The following SYNJ2BP variants were observed in gnomAD, a reference collection of about 807,000 sequenced individuals.
SYNJ2BP encodes the protein synaptojanin-2-binding protein.
SYNJ2BP carries 10 observed loss-of-function variants against 16.9 expected under a neutral mutation model. The observed-to-expected ratio is 0.59, with a 90% CI of 0.36 to 1.00. SYNJ2BP has a LOEUF of 1.00. Ranked by LOEUF, SYNJ2BP falls within the 50% of genes least tolerant of loss-of-function variation. SYNJ2BP has a pLI of 0.01. For synonymous variants in SYNJ2BP, 54 were observed against 68.4 expected, an observed-to-expected ratio of 0.79 and a Z score of 1.04; for missense variants, 162 against 186.7, an observed-to-expected ratio of 0.87 and a Z score of 0.77.
At chr14:70,386,631 G>A (rs1887865094) in intron 2 of SYNJ2BP, among the ~76,000 whole-genome samples, 2 of 152,168 alleles carry the variant, frequency 1.3e-5, no homozygotes, top group South Asian at 2.1e-4. Flanking sequence ...TGAAGAAAAG[G>A]TGGATGTTCT....
At chr14:70,375,420 G>A (rs576613792) in intron 3 of SYNJ2BP, among the ~76,000 whole-genome samples, 2 of 151,748 alleles carry the variant, frequency 1.3e-5, no homozygotes, top group African/African-American at 2.4e-5. Flanking sequence ...GGCTGGTCTC[G>A]AACTCCTGGC....
chr14:70,396,528 C>T (rs1318302273), intron 1 of SYNJ2BP, among the ~76,000 whole-genome samples: 2 of 151,854 alleles, frequency 1.3e-5, no homozygotes, highest in African/African-American at 4.8e-5. Flanking sequence ...GTGGCTGCAC[C>T]ATTTTACATC....
At chr14:70,376,037 C>T (rs567102151) in intron 2 of SYNJ2BP, among the ~76,000 whole-genome samples, 25 of 152,272 alleles carry the variant, frequency 1.6e-4, no homozygotes, top group Admixed American at 8.5e-4. Context: ...GCTTCTATGC[C>T]TGTCTCGTTT....
At chr14:70,385,995 C>T (rs999371489) in intron 2 of SYNJ2BP, among the ~76,000 whole-genome samples, 2 of 152,152 alleles carry the variant, frequency 1.3e-5, no homozygotes, top group Non-Finnish European at 2.9e-5. Context: ...TCAAATACTT[C>T]TCACCATTCT....
chr14:70,412,286 G>C (rs1303750649), intron 1 of SYNJ2BP, among the ~76,000 whole-genome samples: 1 of 152,016 alleles, frequency 6.6e-6, no homozygotes, highest in Non-Finnish European at 1.5e-5. Flanking sequence ...CTACTGCAGT[G>C]GAAAGTAGTA....
chr14:70,367,965 A>G lies in SYNJ2BP; in HGVS notation c.*5026T>C, dbSNP rs1265045857. On this transcript the variant is annotated 3_prime_UTR_variant, in exon 4 of 4. Transcript: ENST00000256366. ...GTTATTTGCTGAATGAAGGAAAAAAACCTTCATCTGACCAACGATAAATTT... is the reference window on the plus strand; with the variant it reads ...GTTATTTGCTGAATGAAGGAAAAAAGCCTTCATCTGACCAACGATAAATTT... The G allele has an allele frequency of 6.6e-6, 1 of 152,200 alleles. No homozygotes were observed. Among genetic ancestry groups the G allele is most frequent in the Non-Finnish European group, 1.5e-5 (1 of 68,030 alleles). The allele number at this position is 152,200 out of a possible 1,614,324, so 9.4% of individuals were successfully genotyped here.
intron 1 of SYNJ2BP, among the ~76,000 whole-genome samples, chr14:70,391,302 G>A (rs1212310887): frequency 6.6e-6 from 1 of 152,104 alleles, no homozygotes; most frequent in Non-Finnish European, 1.5e-5. Context: ...AAATAAGAAG[G>A]TGCTACTTCT....
At chr14:70,386,750 CA>C (rs774590256) in intron 2 of SYNJ2BP, among the ~76,000 whole-genome samples, 4 of 152,184 alleles carry the variant, frequency 2.6e-5, no homozygotes, top group African/African-American at 4.8e-5. Flanking sequence ...AGATTTCACA[CA>C]TATGACCTTT....
chr14:70,406,059 C>T (rs1888338300), intron 1 of SYNJ2BP, among the ~76,000 whole-genome samples: 1 of 152,084 alleles, frequency 6.6e-6, no homozygotes, highest in Non-Finnish European at 1.5e-5. Context: ...TAACTTTAAC[C>T]CTTTTCCAAA....
At position 70,366,614 on chromosome 14, in the gene SYNJ2BP, T is replaced by A. The variant is rs117184865; in HGVS notation, c.*6377A>T. The A allele has an allele frequency of 6.6e-6, 1 of 152,214 alleles. No individual in the cohort carries two copies. The allele number at this position is 152,214 out of a possible 1,614,324, so 9.4% of individuals were successfully genotyped here. On this transcript the variant is annotated 3_prime_UTR_variant, in exon 4 of 4. Coordinates refer to ENST00000256366, the MANE Select transcript of SYNJ2BP (RefSeq NM_018373.3). ...AACAACAAAGCCTGAAAGATTACCA[T>A]AGATTTTGATGGCCTCATTAACATA...
At chr14:70,401,831 T>A (rs1566623053) in intron 1 of SYNJ2BP, among the ~76,000 whole-genome samples, 1 of 151,834 alleles carries the variant, frequency 6.6e-6, no homozygotes. Context: ...TCTTTTTTTA[T>A]GTAGAGACAG....
chr14:70,399,592 C>T (rs1285267871), intron 1 of SYNJ2BP, among the ~76,000 whole-genome samples: 1 of 150,684 alleles, frequency 6.6e-6, no homozygotes, highest in Middle Eastern at 3.4e-3. Flanking sequence ...GCCATTGCTG[C>T]TCCCGCAGCC....
At chr14:70,404,486 T>C (rs915201667) in intron 1 of SYNJ2BP, among the ~76,000 whole-genome samples, 1 of 152,210 alleles carries the variant, frequency 6.6e-6, no homozygotes, top group Non-Finnish European at 1.5e-5. Context: ...AATTATAAAA[T>C]GTCTGAGTCA....
In SYNJ2BP at chr14:70,388,545, G is replaced by A. The variant is rs1220684066; in HGVS notation, c.126C>T (p.Ile42=). 6 of 1,601,008 alleles carry A rather than the reference G, an allele frequency of 3.7e-6. No individual in the cohort carries two copies. Among genetic ancestry groups the A allele is most frequent in the Non-Finnish European group, 5.1e-6 (6 of 1,174,022 alleles). The change falls in exon 2 of 4, where the codon ATC becomes ATT. Residue 42 remains isoleucine, a synonymous_variant. Coordinates refer to ENST00000256366, the MANE Select transcript of SYNJ2BP (RefSeq NM_018373.3). ...CATTTTCTTTGATGCGGCTGACGTA[G>A]ATGCCACTGTCGTTGGAGACATACT... is the stretch of plus-strand genomic sequence containing the variant. ...DQQYVSNDSG[I]YVSRIKENGA... is the part of the protein sequence containing the mutation.
chr14:70,415,411 C>T (rs984377972), intron 1 of SYNJ2BP, among the ~76,000 whole-genome samples: 23 of 151,452 alleles, frequency 1.5e-4, no homozygotes, highest in Admixed American at 9.2e-4. Context: ...ATTAGCCGGG[C>T]GTGGCAGTGC....
intron 1 of SYNJ2BP, among the ~76,000 whole-genome samples, chr14:70,416,578 G>A (rs528142700): frequency 1.1e-4 from 16 of 149,552 alleles, no homozygotes; most frequent in Admixed American, 1.1e-3. Flanking sequence ...GCAACGGAAA[G>A]AAGGATGTGG....
In SYNJ2BP at chr14:70,372,456, T is replaced by C. The variant is rs1455752771; in HGVS notation, c.*535A>G. The C allele has an allele frequency of 6.5e-6, 1 of 154,338 alleles. No homozygotes were observed. The highest frequency in any genetic ancestry group is 2.4e-5 in the African/African-American group (1 of 41,458). 9.6% of individuals were successfully genotyped at this position (154,338 alleles called of 1,614,324 possible). On this transcript the variant is annotated 3_prime_UTR_variant, in exon 4 of 4. Coordinates refer to ENST00000256366, the MANE Select transcript of SYNJ2BP (RefSeq NM_018373.3). ...TAATTCTCCATAGGGATCACTATTA[T>C]ACTATAATATTTGCATACGTATGTG...
chr14:70,402,659 C>T (rs1594957650), intron 1 of SYNJ2BP, among the ~76,000 whole-genome samples: 2 of 111,506 alleles, frequency 1.8e-5, no homozygotes, highest in Admixed American at 1.9e-4. Context: ...ATAATGAAAG[C>T]CTGCTTTAAA....
chr14:70,397,534 C>T (rs1468322182), intron 1 of SYNJ2BP, among the ~76,000 whole-genome samples: 1 of 152,158 alleles, frequency 6.6e-6, no homozygotes, highest in Non-Finnish European at 1.5e-5. Context: ...GCAGGGTGGG[C>T]AGCTCCAGGT....
Sources: gnomAD v4.1 joint callset for allele counts (sites outside exome capture counted in the v4.1 genomes callset) on GRCh38, gnomAD v4.1.1 for gene constraint, MANE v1.5 for transcripts, NCBI Gene and HGNC (gene_info 2026-07-23, HGNC 2026-07-21) for gene names.